Variants in SYT9 observed in about 807,000 individuals in gnomAD.
The protein encoded by SYT9 is synaptotagmin-9.
Under a neutral mutation model 48.4 loss-of-function variants are expected in SYT9, and 22 were observed. The observed-to-expected ratio is 0.45, with a 90% confidence interval of 0.32 to 0.65. The LOEUF is 0.65. Ranked by LOEUF, SYT9 falls within the 30% of genes least tolerant of loss-of-function variation. The pLI, the probability that SYT9 is intolerant of heterozygous loss-of-function variation, is 0.03. For synonymous variants in SYT9, 265 were observed against 245.0 expected, an observed-to-expected ratio of 1.08 and a Z score of -0.76; for missense variants, 577 against 622.0, an observed-to-expected ratio of 0.93 and a Z score of 0.77.
intron 1 of SYT9, among the ~76,000 whole-genome samples, chr11:7,243,442 A>C (rs1847759296): frequency 1.3e-5 from 2 of 152,182 alleles, no homozygotes; most frequent in South Asian, 4.1e-4. Flanking sequence ...GGCCAGAGGC[A>C]ATATAGTGGA....
At chr11:7,386,793 A>C (rs1850669192) in intron 3 of SYT9, among the ~76,000 whole-genome samples, 1 of 152,220 alleles carries the variant, frequency 6.6e-6, no homozygotes, top group Non-Finnish European at 1.5e-5. Flanking sequence ...CAATCCCATT[A>C]CTGGGTATAT....
At chr11:7,334,415 T>C (rs1564866438) in intron 3 of SYT9, among the ~76,000 whole-genome samples, 1 of 152,214 alleles carries the variant, frequency 6.6e-6, no homozygotes, top group Non-Finnish European at 1.5e-5. Flanking sequence ...GTGTGGTTAA[T>C]AGACATGGAG....
At chr11:7,242,629 C>T (rs1847750888) in intron 1 of SYT9, among the ~76,000 whole-genome samples, 1 of 152,048 alleles carries the variant, frequency 6.6e-6, no homozygotes. Flanking sequence ...CTAAATTCCA[C>T]TTTGTTTCCC....
In SYT9 at chr11:7,420,588, T is replaced by C. The variant is rs757638954; in HGVS notation, c.1420T>C (p.Leu474=). 2.1e-5 allele frequency: 34 copies of C among 1,614,188 alleles called. No homozygotes were observed. Among genetic ancestry groups the C allele is most frequent in the Non-Finnish European group, 2.8e-5 (33 of 1,180,024 alleles). Residue 474 remains leucine (L), a synonymous_variant, in exon 6 of 7, where the codon TTG becomes CTG. Transcript: ENST00000318881. ...GGGCAGAGACCACTGGAGTGAAATG[T>C]TGTCATATCCTCGGAAGCCCATTGC... ...RLGRDHWSEM[L]SYPRKPIAHW... is the part of the protein sequence containing the mutation.
At chr11:7,416,795 C>A (rs1428326937) in intron 4 of SYT9, among the ~76,000 whole-genome samples, 6 of 152,240 alleles carry the variant, frequency 3.9e-5, no homozygotes, top group African/African-American at 1.4e-4. Context: ...GACAATAGTA[C>A]TCTCTTGGGT....
intron 3 of SYT9, among the ~76,000 whole-genome samples, chr11:7,315,267 G>A (rs139641604): frequency 1.3e-5 from 2 of 152,304 alleles, no homozygotes; most frequent in Non-Finnish European, 2.9e-5. Flanking sequence ...CCCAACAATG[G>A]ATGCTGGGGA....
intron 1 of SYT9, among the ~76,000 whole-genome samples, chr11:7,298,063 G>A (rs1589923827): frequency 6.6e-6 from 1 of 152,196 alleles, no homozygotes; most frequent in South Asian, 2.1e-4. Context: ...GGTTCTAGGG[G>A]ACTTTGTTTT....
chr11:7,377,255 T>C (rs988851181), intron 3 of SYT9, among the ~76,000 whole-genome samples: 1 of 151,886 alleles, frequency 6.6e-6, no homozygotes, highest in African/African-American at 2.4e-5. Context: ...AACATATGTA[T>C]TTCAGACACT....
intron 6 of SYT9, chr11:7,439,741 C>G (rs550308413): frequency 1.3e-5 from 2 of 152,422 alleles, no homozygotes; most frequent in South Asian, 4.1e-4. Flanking sequence ...CCTACCATCT[C>G]AGCCTCCCCT....
intron 1 of SYT9, among the ~76,000 whole-genome samples, chr11:7,282,925 C>T (rs569071909): frequency 1.1e-4 from 17 of 150,428 alleles, no homozygotes; most frequent in African/African-American, 2.2e-4. Context: ...CACACACACA[C>T]GCACACACAC....
At chr11:7,341,508 C>G (rs190561516) in intron 3 of SYT9, among the ~76,000 whole-genome samples, 1 of 152,280 alleles carries the variant, frequency 6.6e-6, no homozygotes, top group Admixed American at 6.5e-5. Context: ...TACCTGCTGC[C>G]ATGTAAGACA....
chr11:7,261,217 A>G (rs1180203397), intron 1 of SYT9, among the ~76,000 whole-genome samples: 5 of 152,172 alleles, frequency 3.3e-5, no homozygotes, highest in Admixed American at 1.3e-4. Context: ...CATTTTTGGG[A>G]CATGCCTGCC....
intron 3 of SYT9, among the ~76,000 whole-genome samples, chr11:7,336,570 AT>A (rs1001104457): frequency 7.2e-5 from 11 of 152,076 alleles, no homozygotes; most frequent in Admixed American, 1.3e-4. Flanking sequence ...CTAGCAAGTT[AT>A]CCCAGCACCA....
intron 6 of SYT9, among the ~76,000 whole-genome samples, chr11:7,452,169 TAAG>T (rs907291999): frequency 1.2e-4 from 17 of 142,456 alleles, no homozygotes; most frequent in African/African-American, 2.8e-4. Flanking sequence ...CAAACAATGA[TAAG>T]AAATCAAATT....
chr11:7,426,611 T>C (rs1847462848), intron 6 of SYT9, among the ~76,000 whole-genome samples: 1 of 152,140 alleles, frequency 6.6e-6, no homozygotes. Flanking sequence ...CTAGCCTGTG[T>C]TGGCCCAGGG....
intron 1 of SYT9, among the ~76,000 whole-genome samples, chr11:7,254,089 G>T (rs1314840918): frequency 1.3e-5 from 2 of 152,042 alleles, no homozygotes; most frequent in African/African-American, 4.8e-5. Context: ...ATTCTCTTCA[G>T]CCCCTACACC....
chr11:7,371,597 A>G (rs1181781471), intron 3 of SYT9, among the ~76,000 whole-genome samples: 5 of 152,174 alleles, frequency 3.3e-5, no homozygotes. Flanking sequence ...GTTCACACAT[A>G]TAACCACCAT....
chr11:7,299,127 A>ATGTAC (rs1205271116), intron 1 of SYT9, among the ~76,000 whole-genome samples: 1 of 152,220 alleles, frequency 6.6e-6, no homozygotes, highest in Admixed American at 6.5e-5. Context: ...AAATGACAAT[A>ATGTAC]ATATATCTCA....
Position 7,419,684 on chromosome 11 carries a change from G to T in SYT9, c.1338-822G>T, listed in dbSNP as rs183402095. Among the ~76,000 whole-genome samples the T allele has an allele frequency of 5.6e-4, 85 of 152,178 alleles. 2 individuals carry two copies. The East Asian group carries it at 0.016, about 29-fold the overall frequency. On this transcript the variant is annotated intron_variant, in intron 5 of 6. Transcript: ENST00000318881. ...GGCTGAGGCAGGTGGATCACTTGAG[G>T]TTAGGAGTTCGAGACCAGCCTGGCC...
Sources: allele counts gnomAD v4.1 joint callset (sites outside exome capture counted in the v4.1 genomes callset), GRCh38; gene constraint gnomAD v4.1.1; transcripts MANE v1.5; gene names NCBI Gene and HGNC (gene_info 2026-07-23, HGNC 2026-07-21).